Variants in CACNA2D1 observed in about 807,000 individuals in gnomAD.
CACNA2D1 encodes the protein calcium voltage-gated channel auxiliary subunit alpha2delta 1.
In CACNA2D1, 53 loss-of-function variants were observed where a neutral mutation model predicts 171.5. The observed-to-expected ratio is 0.31, with a 90% confidence interval of 0.25 to 0.39. The LOEUF (loss-of-function observed/expected upper bound fraction) is 0.39. Ranked by LOEUF, CACNA2D1 falls within the 10% of genes least tolerant of loss-of-function variation. The pLI, the probability that CACNA2D1 is intolerant of heterozygous loss-of-function variation, is 1.00. For synonymous variants in CACNA2D1, 442 were observed against 443.1 expected (o/e 1.00, Z 0.03); for missense variants, 903 against 1,299.8 (o/e 0.69, Z 4.69).
chr7:82,286,086 G>C (rs1229228879), intron 3 of CACNA2D1, among the ~76,000 whole-genome samples: 2 of 151,814 alleles, frequency 1.3e-5, no homozygotes, highest in Admixed American at 1.3e-4. Flanking sequence ...CCACTGTTTC[G>C]TACTTTTTCT....
chr7:81,958,664 ATTAAATATG>A (rs1489813432), intron 38 of CACNA2D1, among the ~76,000 whole-genome samples: 1 of 152,040 alleles, frequency 6.6e-6, no homozygotes, highest in African/African-American at 2.4e-5. Flanking sequence ...AGTGACATAT[ATTAAATATG>A]ATTTGTAATA....
At position 82,309,481 on chromosome 7, in the gene CACNA2D1, G is replaced by T. The variant is rs555755607; in HGVS notation, c.294+25654C>A. ...ATATAATTCAGACATTTTTGCCTGGGTCTACTGGTTAGCCAGGTAATTTAA... is the reference window on the plus strand; with the variant it reads ...ATATAATTCAGACATTTTTGCCTGGTTCTACTGGTTAGCCAGGTAATTTAA... On this transcript the variant is annotated intron_variant, in intron 3 of 38. Coordinates refer to ENST00000356860, the MANE Select transcript of CACNA2D1 (RefSeq NM_000722.4). 5.1e-4 allele frequency among the ~76,000 whole-genome samples: 70 copies of T among 136,306 alleles called. No individual in the cohort carries two copies. In the South Asian group the frequency reaches 0.018, roughly 35 times the overall value. The allele number at this position is 136,306 out of a possible 152,430, so 89.4% of individuals were successfully genotyped here.
intron 1 of CACNA2D1, among the ~76,000 whole-genome samples, chr7:82,429,267 T>C (rs891043250): frequency 1.5e-4 from 23 of 152,206 alleles, no homozygotes; most frequent in Non-Finnish European, 2.9e-5. Flanking sequence ...ATAATATATA[T>C]TTGATGTTTA....
At chr7:82,272,237 TAAA>T (rs1489009769) in intron 3 of CACNA2D1, among the ~76,000 whole-genome samples, 2 of 152,140 alleles carry the variant, frequency 1.3e-5, no homozygotes, top group Admixed American at 6.6e-5. Context: ...GACAAAAATA[TAAA>T]ATAGCCTTTA....
chr7:82,275,168 T>G (rs916425951), intron 3 of CACNA2D1, among the ~76,000 whole-genome samples: 2 of 132,420 alleles, frequency 1.5e-5, no homozygotes, highest in African/African-American at 6.2e-5. Flanking sequence ...CAGCATAAAT[T>G]TATCACTTAA....
At chr7:82,043,545 T>A (rs538725282) in intron 10 of CACNA2D1, among the ~76,000 whole-genome samples, 1 of 152,316 alleles carries the variant, frequency 6.6e-6, no homozygotes, top group South Asian at 2.1e-4. Flanking sequence ...TGCATTTCAA[T>A]ACTTCCAAAG....
chr7:82,243,704 A>C (rs38548), intron 3 of CACNA2D1, among the ~76,000 whole-genome samples: 42,600 of 152,054 alleles, frequency 0.28, 6,783 homozygotes, highest in Non-Finnish European at 0.36. Flanking sequence ...TGGCTTACCT[A>C]TACTCCCACC....
At chr7:82,334,054 CA>C (rs1165612439) in intron 3 of CACNA2D1, among the ~76,000 whole-genome samples, 1 of 151,836 alleles carries the variant, frequency 6.6e-6, no homozygotes, top group Non-Finnish European at 1.5e-5. Flanking sequence ...TTTAAATGTA[CA>C]AAAAAATTTC....
intron 7 of CACNA2D1, among the ~76,000 whole-genome samples, chr7:82,081,108 C>T (rs553669078): frequency 3.9e-5 from 6 of 152,176 alleles, no homozygotes; most frequent in Non-Finnish European, 4.4e-5. Flanking sequence ...AGGGTCAAGT[C>T]TTCCATGTAA....
intron 3 of CACNA2D1, among the ~76,000 whole-genome samples, chr7:82,332,565 A>AGAAAGAAAGAAAGAAC (rs1491481168): frequency 7.1e-4 from 78 of 109,328 alleles, no homozygotes; most frequent in Non-Finnish European, 1.0e-3. Flanking sequence ...AAAGAAAGAA[A>AGAAAGAAAGAAAGAAC]GAACGAACAG....
At chr7:82,122,280 T>C (rs1420948885) in intron 5 of CACNA2D1, among the ~76,000 whole-genome samples, 1 of 152,212 alleles carries the variant, frequency 6.6e-6, no homozygotes, top group African/African-American at 2.4e-5. Flanking sequence ...CAATAACTTG[T>C]TTATTAAATT....
At chr7:82,378,382 G>C (rs2129448997) in intron 1 of CACNA2D1, among the ~76,000 whole-genome samples, 1 of 152,228 alleles carries the variant, frequency 6.6e-6, no homozygotes, top group Non-Finnish European at 1.5e-5. Flanking sequence ...CTGGGTGGCA[G>C]AGCAAGACCC....
At chr7:82,428,524 C>A (rs908516378) in intron 1 of CACNA2D1, among the ~76,000 whole-genome samples, 6 of 152,262 alleles carry the variant, frequency 3.9e-5, no homozygotes, top group Middle Eastern at 3.4e-3. Context: ...AAACAGTAGT[C>A]TTTACTAATC....
At chr7:82,119,684 A>G (rs1789490860) in intron 5 of CACNA2D1, among the ~76,000 whole-genome samples, 2 of 152,228 alleles carry the variant, frequency 1.3e-5, no homozygotes, top group South Asian at 4.1e-4. Context: ...AAATTTACTT[A>G]ACTATTTTGC....
At chr7:81,963,798 G>T (rs1794417801) in intron 34 of CACNA2D1, among the ~76,000 whole-genome samples, 1 of 151,792 alleles carries the variant, frequency 6.6e-6, no homozygotes, top group African/African-American at 2.4e-5. Flanking sequence ...TAGATATGTA[G>T]AGGAAGGAAG....
intron 1 of CACNA2D1, among the ~76,000 whole-genome samples, chr7:82,441,606 T>C (rs1830508452): frequency 6.6e-6 from 1 of 152,148 alleles, no homozygotes; most frequent in South Asian, 2.1e-4. Context: ...CAATAAGGAT[T>C]TTTACATTAA....
intron 1 of CACNA2D1, among the ~76,000 whole-genome samples, chr7:82,353,591 T>A (rs1390817450): frequency 1.3e-5 from 2 of 151,706 alleles, no homozygotes; most frequent in African/African-American, 4.8e-5. Context: ...AAAGGTACAT[T>A]TAAAGAACAA....
intron 10 of CACNA2D1, among the ~76,000 whole-genome samples, chr7:82,054,409 T>G (rs1243657754): frequency 6.6e-6 from 1 of 152,188 alleles, no homozygotes; most frequent in Non-Finnish European, 1.5e-5. Context: ...CTTTATATAC[T>G]CCAGCATATT....
At chr7:82,140,237 G>T (rs1411319181) in intron 4 of CACNA2D1, among the ~76,000 whole-genome samples, 1 of 152,190 alleles carries the variant, frequency 6.6e-6, no homozygotes, top group Non-Finnish European at 1.5e-5. Context: ...TAGACAGGCT[G>T]TCACATTTTA....
Sources: allele counts gnomAD v4.1 joint callset (sites outside exome capture counted in the v4.1 genomes callset), GRCh38; gene constraint gnomAD v4.1.1; transcripts MANE v1.5; gene names NCBI Gene and HGNC (gene_info 2026-07-23, HGNC 2026-07-21).